Variants in DAPK1 observed in about 807,000 individuals in gnomAD.
The protein encoded by DAPK1 is death-associated protein kinase 1.
Under a neutral mutation model 144.9 loss-of-function variants are expected in DAPK1, and 56 were observed. That is an observed-to-expected ratio of 0.39 (90% CI 0.31 to 0.48). The LOEUF (loss-of-function observed/expected upper bound fraction) is 0.48. Ranked by LOEUF, DAPK1 falls within the 20% of genes least tolerant of loss-of-function variation. DAPK1 has a pLI of 0.95. For missense variants in DAPK1, 1,454 were observed against 1,875.4 expected (o/e 0.78, Z 4.15); for synonymous variants, 690 against 749.0 (o/e 0.92, Z 1.29).
At chr9:87,579,604 G>C (rs1391925552) in intron 2 of DAPK1, among the ~76,000 whole-genome samples, 1 of 152,090 alleles carries the variant, frequency 6.6e-6, no homozygotes, top group Non-Finnish European at 1.5e-5. Flanking sequence ...TCACTTGGGA[G>C]GTAGAAAAGC....
intron 2 of DAPK1, among the ~76,000 whole-genome samples, chr9:87,514,847 C>A (rs1237348741): frequency 6.6e-6 from 1 of 152,214 alleles, no homozygotes; most frequent in East Asian, 1.9e-4. Context: ...ATCCTCGTGA[C>A]TGCATTAAGA....
intron 2 of DAPK1, among the ~76,000 whole-genome samples, chr9:87,603,026 G>A (rs1828583757): frequency 6.6e-6 from 1 of 151,896 alleles, no homozygotes. Context: ...TCTGAGACAA[G>A]TTGCTTTGGC....
chr9:87,643,655 T>A (rs986191896), intron 11 of DAPK1, among the ~76,000 whole-genome samples, 187 bp downstream of exon 11: 1 of 152,020 alleles, frequency 6.6e-6, no homozygotes, highest in African/African-American at 2.4e-5. Context: ...TCTTTTTTTC[T>A]CTTTGATTTG....
chr9:87,622,880 C>T (rs1001240365), intron 3 of DAPK1, among the ~76,000 whole-genome samples: 2 of 152,066 alleles, frequency 1.3e-5, no homozygotes, highest in Admixed American at 6.6e-5. Flanking sequence ...CACTGCACCC[C>T]AGCCTGGGCG....
intron 3 of DAPK1, among the ~76,000 whole-genome samples, chr9:87,633,935 G>C (rs1255493774): frequency 6.6e-6 from 1 of 152,206 alleles, no homozygotes; most frequent in Non-Finnish European, 1.5e-5. Flanking sequence ...AAGAGGAGAA[G>C]GGGGCAGGAA....
intron 2 of DAPK1, among the ~76,000 whole-genome samples, chr9:87,541,868 G>A (rs1290764206): frequency 1.3e-5 from 2 of 152,112 alleles, no homozygotes; most frequent in African/African-American, 4.8e-5. Flanking sequence ...GTCTATATAG[G>A]CCATGCCTAT....
intron 2 of DAPK1, among the ~76,000 whole-genome samples, chr9:87,566,825 C>T (rs775863655): frequency 1.3e-5 from 2 of 152,158 alleles, no homozygotes; most frequent in African/African-American, 2.4e-5. Flanking sequence ...TCAGGCCAAC[C>T]GTGTTTCTTT....
Position 87,703,224 on chromosome 9 carries a change from C to A in DAPK1, c.3060+7C>A. ...GCTCCACAGCACAGGCGAGGTGAGC[C>A]CCTGGGAGCCCAGGCAGGGGGCCGT... On this transcript the variant is annotated splice_region_variant and intron_variant, in intron 25 of 25. Transcript: ENST00000408954. 6.3e-7 allele frequency: 1 copy of A among 1,580,202 alleles called. No individual in the cohort carries two copies. Among genetic ancestry groups the A allele is most frequent in the Non-Finnish European group, 8.7e-7 (1 of 1,150,006 alleles).
intron 17 of DAPK1, 47 bp downstream of exon 17, chr9:87,651,771 C>T: frequency 3.9e-6 from 6 of 1,549,534 alleles, no homozygotes; most frequent in South Asian, 1.1e-5. Flanking sequence ...TGTGTCCATC[C>T]ACCCGATTCT....
At chr9:87,536,507 G>C (rs1317380686) in intron 2 of DAPK1, among the ~76,000 whole-genome samples, 1 of 152,000 alleles carries the variant, frequency 6.6e-6, no homozygotes, top group Admixed American at 6.6e-5. Context: ...AAATCTGCAA[G>C]TCATGTGGGA....
At chr9:87,684,540 A>T (rs373202093) in intron 20 of DAPK1, among the ~76,000 whole-genome samples, 4 of 152,336 alleles carry the variant, frequency 2.6e-5, no homozygotes, top group Admixed American at 6.5e-5. Context: ...GCTCCCAGCC[A>T]GGAGACCGGA....
intron 19 of DAPK1, among the ~76,000 whole-genome samples, chr9:87,669,243 C>T (rs890700906): frequency 1.3e-5 from 2 of 151,506 alleles, no homozygotes; most frequent in Admixed American, 6.6e-5. Flanking sequence ...AGATAACCCA[C>T]GATAATGTCT....
chr9:87,599,212 T>G (rs1477021912), intron 2 of DAPK1, among the ~76,000 whole-genome samples: 1 of 152,254 alleles, frequency 6.6e-6, no homozygotes, highest in South Asian at 2.1e-4. Context: ...TTCTTAGTTA[T>G]GCAACTTACT....
chr9:87,580,598 G>A (rs745417092), intron 2 of DAPK1, among the ~76,000 whole-genome samples: 2 of 152,138 alleles, frequency 1.3e-5, no homozygotes, highest in Non-Finnish European at 1.5e-5. Flanking sequence ...TCATAGTTGA[G>A]TTCTTTGGAT....
At chr9:87,691,702 ATTTTTT>A (rs1825059175) in intron 21 of DAPK1, among the ~76,000 whole-genome samples, 1 of 151,934 alleles carries the variant, frequency 6.6e-6, no homozygotes, top group Non-Finnish European at 1.5e-5. Context: ...TGTTTCAAGA[ATTTTTT>A]TAAATTTCTC....
chr9:87,539,606 C>T lies in DAPK1; in HGVS notation c.62+40467C>T, dbSNP rs182827652. ...CTAATTTTTGTGTTTTTAGTAGAGACGGGGTTTAACCGTGTTGGCCAGGCT... is the reference window on the plus strand; with the variant it reads ...CTAATTTTTGTGTTTTTAGTAGAGATGGGGTTTAACCGTGTTGGCCAGGCT... On this transcript the variant is annotated intron_variant, in intron 2 of 25. Coordinates refer to ENST00000408954, the MANE Select transcript of DAPK1 (RefSeq NM_004938.4). Among the ~76,000 whole-genome samples the T allele has an allele frequency of 3.2e-3, 492 of 151,732 alleles. 2 individuals carry two copies. The highest frequency in any genetic ancestry group is 0.011 in the African/African-American group (446 of 41,340).
chr9:87,572,122 A>G (rs1286308713), intron 2 of DAPK1, among the ~76,000 whole-genome samples: 1 of 152,254 alleles, frequency 6.6e-6, no homozygotes, highest in Non-Finnish European at 1.5e-5. Flanking sequence ...GAGTTTTGGT[A>G]AATCTAGACT....
intron 2 of DAPK1, among the ~76,000 whole-genome samples, chr9:87,551,135 A>C (rs1292970136): frequency 2.0e-5 from 3 of 148,204 alleles, no homozygotes; most frequent in African/African-American, 7.6e-5. Flanking sequence ...CAACATCATC[A>C]CATCTATTAA....
At chr9:87,572,298 C>T (rs1292663615) in intron 2 of DAPK1, among the ~76,000 whole-genome samples, 4 of 152,084 alleles carry the variant, frequency 2.6e-5, no homozygotes, top group African/African-American at 4.8e-5. Flanking sequence ...GTATTTAGAC[C>T]GGGTTCTATG....
Sources: allele counts gnomAD v4.1 joint callset (sites outside exome capture counted in the v4.1 genomes callset), GRCh38; gene constraint gnomAD v4.1.1; transcripts MANE v1.5; gene names NCBI Gene and HGNC (gene_info 2026-07-23, HGNC 2026-07-21).